The following AGPAT3 variants were observed in gnomAD, a reference collection of about 807,000 sequenced individuals.
The protein encoded by AGPAT3 is 1-acyl-sn-glycerol-3-phosphate acyltransferase gamma.
AGPAT3 carries 5 observed loss-of-function variants against 47.3 expected under a neutral mutation model. The observed-to-expected ratio is 0.11, with a 90% CI of 0.06 to 0.22. AGPAT3 has a LOEUF of 0.22. Among genes scored for constraint, AGPAT3 ranks in the 10% least tolerant of loss-of-function variants. AGPAT3 has a pLI of 1.00. For missense variants in AGPAT3, 315 were observed against 493.0 expected, an observed-to-expected ratio of 0.64 and a Z score of 3.42; for synonymous variants, 212 against 208.3, an observed-to-expected ratio of 1.02 and a Z score of -0.15.
At position 43,940,217 on chromosome 21, in the gene AGPAT3, G is replaced by C. The variant is rs535758120; in HGVS notation, c.-48-19417G>C. On this transcript the variant is annotated intron_variant, in intron 2 of 9. Transcript: ENST00000291572. Reference sequence around the variant, plus strand: ...CTGCTCCCCGCAGGTCCTTCTCGCCGGCTTCAGGCAGCACAGGACCGAGGG... The same window carrying C: ...CTGCTCCCCGCAGGTCCTTCTCGCCCGCTTCAGGCAGCACAGGACCGAGGG... 6.6e-4 allele frequency among the ~76,000 whole-genome samples: 101 copies of C among 152,366 alleles called. 1 individual carries two copies. The highest frequency in any genetic ancestry group is 2.3e-3 in the African/African-American group (97 of 41,592).
chr21:43,981,268 T>C lies in AGPAT3; in HGVS notation c.1042+81T>C, dbSNP rs2089840038. The C allele has an allele frequency of 1.4e-6, 2 of 1,471,004 alleles. No homozygotes were observed. The allele number at this position is 1,471,004 out of a possible 1,614,324, so 91.1% of individuals were successfully genotyped here. On this transcript the variant is annotated intron_variant, in intron 9 of 9. Transcript: ENST00000291572. The surrounding 1 kb of genome is among the most constrained non-coding windows in gnomAD (Gnocchi z 5.3). Reference sequence around the variant, plus strand: ...ACAGGGTCCGGGACCTGGTGACTCATCACAGTGGCTGTGGGAGGCAGGGGC... The same window carrying C: ...ACAGGGTCCGGGACCTGGTGACTCACCACAGTGGCTGTGGGAGGCAGGGGC...
At chr21:43,968,558 G>A (rs978741896) in intron 4 of AGPAT3, among the ~76,000 whole-genome samples, 4 of 151,926 alleles carry the variant, frequency 2.6e-5, no homozygotes, top group Admixed American at 6.5e-5. Flanking sequence ...GAGGTGCCGG[G>A]GAGGCCCCTG....
Position 43,985,318 on chromosome 21 carries a change from C to A in AGPAT3, c.*2926C>A. ...CTTTAAGGTCCCTGTCCTCAGGAAG[C>A]GCAGTCTGGTGGAAGAGATGAGCGC... On this transcript the variant is annotated 3_prime_UTR_variant, in exon 10 of 10. Transcript: ENST00000291572. 2.4e-6 allele frequency: 1 copy of A among 416,588 alleles called. No homozygotes were observed. Among genetic ancestry groups the A allele is most frequent in the Non-Finnish European group, 4.9e-6 (1 of 205,444 alleles). 25.8% of individuals were successfully genotyped at this position (416,588 alleles called of 1,614,324 possible).
At chr21:43,957,563 G>T (rs1187820029) in intron 2 of AGPAT3, among the ~76,000 whole-genome samples, 1 of 150,520 alleles carries the variant, frequency 6.6e-6, no homozygotes, top group Admixed American at 6.6e-5. Flanking sequence ...CTCCACACGG[G>T]GGTCTCGGGT....
chr21:43,894,577 ATTC>A (rs2086173607), intron 1 of AGPAT3, among the ~76,000 whole-genome samples: 1 of 152,062 alleles, frequency 6.6e-6, no homozygotes, highest in Non-Finnish European at 1.5e-5. Context: ...AAACATTCAA[ATTC>A]TTCTCTGCTA....
chr21:43,962,261 G>C lies in AGPAT3; in HGVS notation c.178+2402G>C, dbSNP rs570221042. On this transcript the variant is annotated intron_variant, in intron 3 of 9. Coordinates refer to ENST00000291572, the MANE Select transcript of AGPAT3 (RefSeq NM_020132.5). ...TCGTGATCTGCCCACCTCGGCCTCCGAAAGTGCTGGGATTACAGGCGTGAG... is the reference window on the plus strand; with the variant it reads ...TCGTGATCTGCCCACCTCGGCCTCCCAAAGTGCTGGGATTACAGGCGTGAG... Among the ~76,000 whole-genome samples, 14 of 152,090 alleles carry C rather than the reference G, an allele frequency of 9.2e-5. No individual in the cohort carries two copies. The East Asian group carries it at 1.4e-3, about 15-fold the overall frequency.
intron 1 of AGPAT3, among the ~76,000 whole-genome samples, chr21:43,893,245 C>G (rs1942076861): frequency 6.6e-6 from 1 of 152,204 alleles, no homozygotes; most frequent in Non-Finnish European, 1.5e-5. Flanking sequence ...TTTCTTAAAT[C>G]TCCTGAGCCA....
intron 2 of AGPAT3, among the ~76,000 whole-genome samples, chr21:43,931,991 A>G (rs937263928): frequency 6.6e-6 from 1 of 150,806 alleles, no homozygotes; most frequent in Non-Finnish European, 1.5e-5. Context: ...CCTATTTGTC[A>G]TCTATCTATA....
intron 8 of AGPAT3, among the ~76,000 whole-genome samples, chr21:43,979,850 A>T (rs951726768): frequency 6.6e-6 from 1 of 152,234 alleles, no homozygotes; most frequent in Non-Finnish European, 1.5e-5. Flanking sequence ...GCACGGACAC[A>T]GTGTGTGGCT....
Position 43,934,718 on chromosome 21 carries a change from G to C in AGPAT3, c.-48-24916G>C, listed in dbSNP as rs1019110505. Among the ~76,000 whole-genome samples, 1 of 152,100 alleles carries C rather than the reference G, an allele frequency of 6.6e-6. No individual in the cohort carries two copies. The highest frequency in any genetic ancestry group is 1.5e-5 in the Non-Finnish European group (1 of 68,004). ...AGGAGGCCACGTGCCCATGGTGGAGGAGCCACAGCACAAAGCAAGCCACGC... is the reference window on the plus strand; with the variant it reads ...AGGAGGCCACGTGCCCATGGTGGAGCAGCCACAGCACAAAGCAAGCCACGC... On this transcript the variant is annotated intron_variant, in intron 2 of 9. Coordinates refer to ENST00000291572, the MANE Select transcript of AGPAT3 (RefSeq NM_020132.5). This position sits in a 1 kb window ranked among gnomAD's most constrained non-coding sequence, Gnocchi z 4.7.
Position 43,922,040 on chromosome 21 carries a change from T to C in AGPAT3, c.-49+18021T>C, listed in dbSNP as rs2838436. On this transcript the variant is annotated intron_variant, in intron 2 of 9. Coordinates refer to ENST00000291572, the MANE Select transcript of AGPAT3 (RefSeq NM_020132.5). This position sits in a 1 kb window ranked among gnomAD's most constrained non-coding sequence, Gnocchi z 4.9. ...TTTTTGTGAAGGTTTAGCAAATACT[T>C]GATAGATTGTTGTGAGAATGTGGGC... Among the ~76,000 whole-genome samples the C allele has an allele frequency of 0.76, 115,558 of 152,094 alleles. 44,001 individuals carry two copies. Among genetic ancestry groups the C allele is most frequent in the Admixed American group, 0.83 (12,729 of 15,296 alleles).
At chr21:43,868,072 C>T (rs1023341479) in intron 1 of AGPAT3, among the ~76,000 whole-genome samples, 2 of 152,168 alleles carry the variant, frequency 1.3e-5, no homozygotes, top group South Asian at 2.1e-4. Flanking sequence ...CATTTACAAG[C>T]GGCCATGTTT....
chr21:43,945,788 A>C (rs2087859426), intron 2 of AGPAT3, among the ~76,000 whole-genome samples: 1 of 152,242 alleles, frequency 6.6e-6, no homozygotes, highest in South Asian at 2.1e-4. Context: ...TCAATCGGTA[A>C]ATAATGAGTA....
chr21:43,898,101 CAG>C (rs1239749960), intron 1 of AGPAT3, among the ~76,000 whole-genome samples: 2 of 152,088 alleles, frequency 1.3e-5, no homozygotes, highest in Admixed American at 6.6e-5. Context: ...GCCTCGGTAA[CAG>C]AGGGAGACCG....
rs2086553174 is a variant in AGPAT3, at chr21:43,908,393, AAGG to A, written c.-49+4378_-49+4380del. Among the ~76,000 whole-genome samples the A allele has an allele frequency of 6.6e-6, 1 of 152,204 alleles. No homozygotes were observed. The highest frequency in any genetic ancestry group is 1.5e-5 in the Non-Finnish European group (1 of 68,038). The stretch of plus-strand genomic sequence containing the variant: ...TGAGCCCCGGCCCTTCTCGATCAGA[AAGG>A]AGGTGTCCCGATCAGGGGGAGCACA... On this transcript the variant is annotated intron_variant, in intron 2 of 9. Transcript: ENST00000291572. The surrounding 1 kb of genome is among the most constrained non-coding windows in gnomAD (Gnocchi z 4.9).
chr21:43,895,577 A>G (rs1265443680), intron 1 of AGPAT3, among the ~76,000 whole-genome samples: 1 of 133,300 alleles, frequency 7.5e-6, no homozygotes, highest in Admixed American at 7.7e-5. Context: ...GAATTTTTTG[A>G]CAATTGATCA....
chr21:43,980,577 A>G (rs1280708387), intron 8 of AGPAT3, among the ~76,000 whole-genome samples: 3 of 152,218 alleles, frequency 2.0e-5, no homozygotes, highest in African/African-American at 4.8e-5. Context: ...TGCAGCTGAG[A>G]GTGCGCTTTG....
intron 1 of AGPAT3, among the ~76,000 whole-genome samples, 198 bp downstream of exon 1, chr21:43,865,543 G>T (rs1320619110): frequency 6.7e-6 from 1 of 148,788 alleles, no homozygotes; most frequent in Non-Finnish European, 1.5e-5. Flanking sequence ...GGGGCCGGGA[G>T]GAGGTCTGGG....
At chr21:43,867,135 G>T (rs941539622) in intron 1 of AGPAT3, 1 of 152,274 alleles carries the variant, frequency 6.6e-6, no homozygotes, top group Admixed American at 6.5e-5. Context: ...CGTCCCTGCC[G>T]TAGACACGTG....
Sources: gnomAD v4.1 joint callset for allele counts (sites outside exome capture counted in the v4.1 genomes callset) on GRCh38, gnomAD v4.1.1 for gene constraint, Gnocchi (gnomAD v3.1) non-coding constraint, MANE v1.5 for transcripts, NCBI Gene and HGNC (gene_info 2026-07-23, HGNC 2026-07-21) for gene names.